Variants in PCNX3 observed in about 807,000 individuals in gnomAD.
PCNX3 encodes the protein pecanex 3.
In PCNX3, 58 loss-of-function variants were observed where a neutral mutation model predicts 207.2. The ratio of observed to expected loss-of-function variants is 0.28; its 90% CI spans 0.23 to 0.35. The LOEUF (loss-of-function observed/expected upper bound fraction) is 0.35. Among genes scored for constraint, PCNX3 ranks in the 10% least tolerant of loss-of-function variants. The pLI is 1.00. For synonymous variants in PCNX3, 1,337 were observed against 1,183.5 expected (o/e 1.13, Z -2.66); for missense variants, 2,410 against 2,774.4 (o/e 0.87, Z 2.95).
In PCNX3 at chr11:65,618,845, G is replaced by T; in HGVS notation, c.1483G>T (p.Ala495Ser). Residue 495 changes from alanine (A) to serine (S), a missense_variant, in exon 6 of 35, where the codon GCC becomes TCC. Ala to Ser is a moderately conservative substitution (Grantham distance 99). Coordinates refer to ENST00000355703, the MANE Select transcript of PCNX3 (RefSeq NM_032223.4). ...PYGTQRTPST[A>S]SAKTHARVLS... The stretch of plus-strand genomic sequence containing the variant: ...TGGGACCCAGCGGACGCCTAGTACC[G>T]CCAGCGCTAAAACACATGCCCGTGT... The T allele has an allele frequency of 6.2e-7, 1 of 1,610,768 alleles. No homozygotes were observed. The highest frequency in any genetic ancestry group is 8.5e-7 in the Non-Finnish European group (1 of 1,179,090).
At chr11:65,636,138 T>G in intron 32 of PCNX3, 36 bp from the exon 33 acceptor site, 1 of 1,578,826 alleles carries the variant, frequency 6.3e-7, no homozygotes, top group Non-Finnish European at 8.6e-7. Flanking sequence ...CTCAGCCGTG[T>G]CCCTCCTGAT....
rs751592108 is a variant in PCNX3 at position 65,618,850 on chromosome 11, C to T, written c.1488C>T (p.Ser496=). Residue 496 remains serine, a synonymous_variant, in exon 6 of 35, where the codon AGC becomes AGT. Coordinates refer to ENST00000355703, the MANE Select transcript of PCNX3 (RefSeq NM_032223.4). The part of the protein sequence containing the change: ...YGTQRTPSTA[S]AKTHARVLSM... ...CCCAGCGGACGCCTAGTACCGCCAG[C>T]GCTAAAACACATGCCCGTGTGCTGA... 1.1e-5 allele frequency: 18 copies of T among 1,610,790 alleles called. No homozygotes were observed. Among genetic ancestry groups the T allele is most frequent in the Middle Eastern group, 1.6e-4 (1 of 6,078 alleles).
rs1855138837 is a variant in PCNX3 at position 65,622,146 on chromosome 11, G to A, written c.2236-99G>A. On this transcript the variant is annotated intron_variant, in intron 10 of 34. Coordinates refer to ENST00000355703, the MANE Select transcript of PCNX3 (RefSeq NM_032223.4). ...CAACCAGACCGGTGTGCTGAAGGGG[G>A]GTAACAGTAGACCATGTGGGGGGTG... 2.8e-6 allele frequency: 4 copies of A among 1,448,072 alleles called. No homozygotes were observed. The Admixed American group carries it at 6.4e-5, about 23-fold the overall frequency. The allele number at this position is 1,448,072 out of a possible 1,614,324, so 89.7% of individuals were successfully genotyped here. A position where few individuals can be genotyped will look rare whatever the true frequency, so the allele number is the denominator to read the frequency against.
intron 26 of PCNX3, 80 bp from the exon 27 acceptor site, chr11:65,630,271 T>TG (rs1855566246): frequency 6.6e-7 from 1 of 1,524,590 alleles, no homozygotes; most frequent in Admixed American, 2.0e-5. Context: ...AGGCCTCTGA[T>TG]GCCATGTTGG....
chr11:65,621,445 C>G (rs1041396842), intron 10 of PCNX3, among the ~76,000 whole-genome samples: 2 of 152,218 alleles, frequency 1.3e-5, no homozygotes, highest in Non-Finnish European at 2.9e-5. Flanking sequence ...TATACTTAAT[C>G]TATTAACACC....
At chr11:65,622,962 G>A (rs1855188721) in intron 11 of PCNX3, among the ~76,000 whole-genome samples, 1 of 151,558 alleles carries the variant, frequency 6.6e-6, no homozygotes, top group Non-Finnish European at 1.5e-5. Flanking sequence ...CTGTAACCTA[G>A]AAAAGCTCAC....
At chr11:65,619,726 G>A in intron 7 of PCNX3, 28 bp from the exon 8 acceptor site, 2 of 1,561,418 alleles carry the variant, frequency 1.3e-6, no homozygotes, top group South Asian at 1.2e-5. Flanking sequence ...GCTCTAGCTG[G>A]CGCTGACCTG....
chr11:65,619,806 ACGCTGCCCTCTG>A lies in PCNX3; in HGVS notation c.1889_1900del (p.Pro630_Leu633del). 6.3e-7 allele frequency: 1 copy of A among 1,595,460 alleles called. No individual in the cohort carries two copies. The highest frequency in any genetic ancestry group is 8.5e-7 in the Non-Finnish European group (1 of 1,175,618). The stretch of plus-strand genomic sequence containing the variant: ...GGCTGCCTCCCACTCCCGGGCGCTG[ACGCTGCCCTCTG>A]CGCTGCATTTCGCCTCTTCACTGTT... On this transcript the variant is annotated inframe_deletion, in exon 8 of 35. Coordinates refer to ENST00000355703, the MANE Select transcript of PCNX3 (RefSeq NM_032223.4).
Position 65,636,171 on chromosome 11 carries a change from C to T in PCNX3, c.5460-3C>T. 1 of 1,598,588 alleles carries T rather than the reference C, an allele frequency of 6.3e-7. No individual in the cohort carries two copies. The highest frequency in any genetic ancestry group is 1.1e-5 in the South Asian group (1 of 88,568). ...GATCCCTTTTCTACCTCTCCACCCC[C>T]AGGCTTCACAAGGGCTGTGGCGCCG... On this transcript the variant is annotated splice_region_variant and splice_polypyrimidine_tract_variant and intron_variant, in intron 32 of 34. Transcript: ENST00000355703.
chr11:65,618,134 C>A lies in PCNX3; in HGVS notation c.772C>A (p.Gln258Lys), dbSNP rs369521118. The change falls in exon 6 of 35, where the codon CAG becomes AAG. Residue 258 changes from glutamine (Q) to lysine (K), a missense_variant. This residue lies in a region of PCNX3 where 1,104 missense variants were observed against 970.3 expected (regional missense o/e 1.14). Coordinates refer to ENST00000355703, the MANE Select transcript of PCNX3 (RefSeq NM_032223.4). ...GAGCAAGAGCTTCCTGACCCTGACC[C>A]AGCCTGACCGGGCCCTGGTGAGGAC... ...ELSKSFLTLT[Q>K]PDRALVRTSS... is the part of the protein sequence containing the mutation. The A allele has an allele frequency of 1.2e-6, 2 of 1,610,528 alleles. No homozygotes were observed. Among genetic ancestry groups the A allele is most frequent in the East Asian group, 2.2e-5 (1 of 44,794 alleles).
intron 20 of PCNX3, chr11:65,626,405 C>T (rs1855393389): frequency 2.1e-6 from 1 of 465,224 alleles, no homozygotes; most frequent in Non-Finnish European, 4.1e-6. Context: ...AGCACATCTT[C>T]ACTGGGCTGC....
rs780561268 is a variant in PCNX3, at chr11:65,625,927, C to T, written c.3252C>T (p.Tyr1084=). The change falls in exon 20 of 35, where the codon TAC becomes TAT. Residue 1084 remains tyrosine, a synonymous_variant. Transcript: ENST00000355703. This position sits in a 1 kb window ranked among gnomAD's most constrained non-coding sequence, Gnocchi z 5.6. The part of the protein sequence containing the change: ...ALKSVLGFVL[Y]ALAGAVGFFT... ...AGTCGGTGCTGGGTTTCGTGTTGTA[C>T]GCACTGGCTGGGGCCGTGGGCTTCT... The T allele has an allele frequency of 3.0e-5, 48 of 1,613,628 alleles. No homozygotes were observed. The highest frequency in any genetic ancestry group is 4.0e-5 in the African/African-American group (3 of 74,912).
chr11:65,620,690 C>T, intron 9 of PCNX3, 141 bp from the exon 10 acceptor site: 3 of 1,207,710 alleles, frequency 2.5e-6, no homozygotes, highest in East Asian at 2.6e-5. Context: ...ACTTCTGCCA[C>T]CTGACCCCAG....
At chr11:65,623,813 C>T (rs923054070) in intron 12 of PCNX3, 116 bp from the exon 13 acceptor site, 33 of 1,548,570 alleles carry the variant, frequency 2.1e-5, no homozygotes, top group Middle Eastern at 1.7e-4. Context: ...CAGGACAGTT[C>T]GGGGGCCTGA....
Position 65,616,943 on chromosome 11 carries a change from G to A in PCNX3, c.273G>A (p.Val91=), listed in dbSNP as rs546929280. 2.5e-5 allele frequency: 40 copies of A among 1,613,306 alleles called. No homozygotes were observed. The South Asian group carries it at 4.0e-4, about 16-fold the overall frequency. ...CCATGTTTGACCAGGGCGAGATCGT[G>A]GAGAAGCGCAGCTCTACCATGGGGG... ...LHAMFDQGEI[V]EKRSSTMGEL... is the part of the protein sequence containing the mutation. Residue 91 remains valine, a synonymous_variant, in exon 2 of 35, where the codon GTG becomes GTA. Transcript: ENST00000355703.
Position 65,618,681 on chromosome 11 carries a change from G to A in PCNX3, c.1319G>A (p.Arg440His), listed in dbSNP as rs778665506. 1.8e-5 allele frequency: 29 copies of A among 1,613,168 alleles called. 1 individual carries two copies. Among genetic ancestry groups the A allele is most frequent in the Admixed American group, 5.0e-5 (3 of 59,998 alleles). ...CCGGCCTCCAGTCTCCGATCGCAGC[G>A]CCGCTACAGTACTGACAGCTCCTCT... is the stretch of plus-strand genomic sequence containing the variant. ...LSPASSLRSQ[R>H]RYSTDSSSST... is the part of the protein sequence containing the mutation. Residue 440 changes from arginine (R) to histidine (H), a missense_variant, in exon 6 of 35, where the codon CGC (arginine) becomes CAC (histidine). Arg to His is a conservative substitution (Grantham distance 29). Transcript: ENST00000355703.
At chr11:65,622,154 T>C in intron 10 of PCNX3, 91 bp from the exon 11 acceptor site, 1 of 1,263,054 alleles carries the variant, frequency 7.9e-7, no homozygotes, top group Non-Finnish European at 1.1e-6. Context: ...GGGGTAACAG[T>C]AGACCATGTG....
At chr11:65,626,103 A>G (rs1296226226) in intron 20 of PCNX3, 49 bp downstream of exon 20, 4 of 1,551,366 alleles carry the variant, frequency 2.6e-6, no homozygotes, top group Middle Eastern at 3.3e-4. Context: ...CTCGGGCTGC[A>G]GCCTGGCTGG....
At chr11:65,623,349 T>G in intron 11 of PCNX3, 142 bp from the exon 12 acceptor site, 1 of 1,089,450 alleles carries the variant, frequency 9.2e-7, no homozygotes, top group Non-Finnish European at 1.3e-6. Context: ...CGCAAAGTTA[T>G]AGGTGTTCAC....
Sources: allele counts gnomAD v4.1 joint callset (sites outside exome capture counted in the v4.1 genomes callset), GRCh38; gene constraint gnomAD v4.1.1; regional missense constraint gnomAD v4.1.1; non-coding constraint Gnocchi (gnomAD v3.1); transcripts MANE v1.5; gene names NCBI Gene and HGNC (gene_info 2026-07-23, HGNC 2026-07-21).